POLR1A: variants seen among roughly 807,000 people sequenced by gnomAD.
POLR1A encodes the protein RNA polymerase I subunit A.
Under a neutral mutation model 205.3 loss-of-function variants are expected in POLR1A, and 84 were observed. That is an observed-to-expected ratio of 0.41 (90% CI 0.34 to 0.49). The LOEUF is 0.49. Among genes scored for constraint, POLR1A ranks in the 20% least tolerant of loss-of-function variants. The pLI, the probability that POLR1A is intolerant of heterozygous loss-of-function variation, is 0.22. For missense variants in POLR1A, 1,645 were observed against 2,204.5 expected, an observed-to-expected ratio of 0.75 and a Z score of 5.08; for synonymous variants, 799 against 863.7, an observed-to-expected ratio of 0.93 and a Z score of 1.31.
chr2:86,038,454 C>T lies in POLR1A; in HGVS notation c.4034+246G>A, dbSNP rs144833857. ...CCCCAGAAGACAACAATCCTGACGTCAACCCAAGAGAAGAAATGGGCTCAG... is the reference window on the plus strand; with the variant it reads ...CCCCAGAAGACAACAATCCTGACGTTAACCCAAGAGAAGAAATGGGCTCAG... On this transcript the variant is annotated intron_variant, in intron 27 of 33. Coordinates refer to ENST00000263857, the MANE Select transcript of POLR1A (RefSeq NM_015425.6). Among the ~76,000 whole-genome samples the T allele has an allele frequency of 5.9e-3, 899 of 152,324 alleles. 6 individuals carry two copies. Among genetic ancestry groups the T allele is most frequent in the Admixed American group, 0.013 (203 of 15,304 alleles).
chr2:86,061,404 A>G (rs1055401709), intron 14 of POLR1A, among the ~76,000 whole-genome samples: 2 of 152,232 alleles, frequency 1.3e-5, no homozygotes, highest in African/African-American at 2.4e-5. Context: ...CCAAGATGGC[A>G]CAACTGCACT....
intron 6 of POLR1A, 69 bp downstream of exon 6, chr2:86,088,497 G>A: frequency 2.1e-6 from 2 of 952,332 alleles, no homozygotes; most frequent in Non-Finnish European, 3.4e-6. Flanking sequence ...GGAGAACCAG[G>A]TATTCCCAGG....
chr2:86,044,662 C>A (rs1050755449), intron 21 of POLR1A, among the ~76,000 whole-genome samples: 1 of 152,196 alleles, frequency 6.6e-6, no homozygotes, highest in Non-Finnish European at 1.5e-5. Context: ...TCCTTAGAAC[C>A]AAAAGACGGG....
At chr2:86,100,928 G>T (rs1198834998) in intron 1 of POLR1A, among the ~76,000 whole-genome samples, 1 of 152,158 alleles carries the variant, frequency 6.6e-6, no homozygotes, top group Non-Finnish European at 1.5e-5. Flanking sequence ...AGGGAAGTTA[G>T]GTGATTGAAT....
chr2:86,044,005 CT>C, intron 22 of POLR1A, 133 bp downstream of exon 22: 1 of 764,410 alleles, frequency 1.3e-6, no homozygotes, highest in Non-Finnish European at 2.1e-6. Flanking sequence ...TGACCGGTGT[CT>C]TATAAACCCT....
intron 6 of POLR1A, among the ~76,000 whole-genome samples, chr2:86,087,379 G>C (rs1233617617): frequency 2.6e-5 from 4 of 152,188 alleles, no homozygotes; most frequent in Non-Finnish European, 1.5e-5. Context: ...GAAAGGTTTA[G>C]TAACAGTATC....
intron 7 of POLR1A, 69 bp from the exon 8 acceptor site, chr2:86,081,775 T>C (rs563386901): frequency 2.3e-6 from 2 of 861,452 alleles, no homozygotes; most frequent in African/African-American, 1.7e-5. Flanking sequence ...AGGACAACCA[T>C]AAAAATATTA....
At chr2:86,037,835 T>C (rs1479062461) in intron 27 of POLR1A, among the ~76,000 whole-genome samples, 1 of 152,260 alleles carries the variant, frequency 6.6e-6, no homozygotes, top group Non-Finnish European at 1.5e-5. Context: ...GCTTGTTTTC[T>C]TTCTTTTTAA....
chr2:86,083,288 G>A, intron 6 of POLR1A, 120 bp from the exon 7 acceptor site: 1 of 720,610 alleles, frequency 1.4e-6, no homozygotes, highest in Non-Finnish European at 2.5e-6. Context: ...CAATCTCAAG[G>A]GTAGCATATT....
At chr2:86,073,640 A>G (rs1673219985) in intron 12 of POLR1A, among the ~76,000 whole-genome samples, 1 of 152,080 alleles carries the variant, frequency 6.6e-6, no homozygotes, top group African/African-American at 2.4e-5. Flanking sequence ...GCTGTTCCCT[A>G]TGGTGTCTAC....
chr2:86,039,022 G>A (rs76964577), intron 26 of POLR1A, 165 bp from the exon 27 acceptor site: 2 of 686,642 alleles, frequency 2.9e-6, no homozygotes, highest in Non-Finnish European at 4.9e-6. Context: ...CTGCTGGGGG[G>A]CCCACAGCCT....
chr2:86,081,911 A>C (rs972249694), intron 7 of POLR1A, among the ~76,000 whole-genome samples: 7 of 152,134 alleles, frequency 4.6e-5, no homozygotes, highest in Middle Eastern at 3.2e-3. Flanking sequence ...GACTCACTGC[A>C]GCCTTGATCT....
chr2:86,049,240 CG>C lies in POLR1A; in HGVS notation c.2394del (p.Val799TrpfsTer6). 1 of 1,612,044 alleles carries C rather than the reference CG, an allele frequency of 6.2e-7. No homozygotes were observed. Among genetic ancestry groups the C allele is most frequent in the Non-Finnish European group, 8.5e-7 (1 of 1,178,190 alleles). On this transcript the variant is annotated frameshift_variant and splice_region_variant, in exon 17 of 34. Transcript: ENST00000263857. LOFTEE classifies it high-confidence loss of function. ...TTTGGCTTCACCAAAATGTCTTCCA[CG>C]CCTGTGAAGTGAAACAGACAAGCTT... ...YLQLYRGFTL[G>X]VEDILVKPKA...
At chr2:86,077,732 C>T in intron 11 of POLR1A, 127 bp downstream of exon 11, 2 of 1,134,834 alleles carry the variant, frequency 1.8e-6, no homozygotes, top group Non-Finnish European at 2.6e-6. Context: ...GAATAATCTG[C>T]TGCACATCCT....
At chr2:86,060,377 G>T (rs1033665337) in intron 14 of POLR1A, among the ~76,000 whole-genome samples, 1 of 151,838 alleles carries the variant, frequency 6.6e-6, no homozygotes, top group African/African-American at 2.4e-5. Context: ...TTTTTTAAAG[G>T]TATATTGAGA....
intron 3 of POLR1A, among the ~76,000 whole-genome samples, chr2:86,094,692 CTCTT>C (rs1000926224): frequency 6.6e-6 from 1 of 152,222 alleles, no homozygotes; most frequent in African/African-American, 2.4e-5. Flanking sequence ...TCTGTCTTCT[CTCTT>C]TCATATATTT....
chr2:86,027,906 G>A lies in POLR1A; in HGVS notation c.5041C>T (p.Leu1681=). 6.2e-7 allele frequency: 1 copy of A among 1,614,262 alleles called. No homozygotes were observed. Among genetic ancestry groups the A allele is most frequent in the Non-Finnish European group, 8.5e-7 (1 of 1,180,044 alleles). ...TAACCCAGCATGGTGGCTTGCTTCA[G>A]AAACTGGAAGCTGGTTTCAAATGTC... ...QMTFETSFQF[L]KQATMLGSHD... is the part of the protein sequence containing the mutation. The change falls in exon 33 of 34, where the codon CTG becomes TTG. Residue 1681 remains leucine (L), a synonymous_variant. Transcript: ENST00000263857.
rs61185790 is a variant in POLR1A, at chr2:86,045,227, C to G, written c.2969+51G>C. The G allele has an allele frequency of 0.016, 18,961 of 1,154,038 alleles. 493 individuals are homozygous for G. The highest frequency in any genetic ancestry group is 0.12 in the East Asian group (4,938 of 42,478). 71.5% of individuals were successfully genotyped at this position (1,154,038 alleles called of 1,614,324 possible). ...GCTGATATAATGTGAAAGATGATGGCAGGAAGGGCCCTGGCACTCTACCTC... is the reference window on the plus strand; with the variant it reads ...GCTGATATAATGTGAAAGATGATGGGAGGAAGGGCCCTGGCACTCTACCTC... On this transcript the variant is annotated intron_variant, in intron 21 of 33. Coordinates refer to ENST00000263857, the MANE Select transcript of POLR1A (RefSeq NM_015425.6).
At chr2:86,093,105 T>C (rs1049830837) in intron 3 of POLR1A, among the ~76,000 whole-genome samples, 18 of 152,322 alleles carry the variant, frequency 1.2e-4, no homozygotes, top group African/African-American at 3.6e-4. Flanking sequence ...AGGAGCCAAA[T>C]TATCTGAAAA....
Sources: gnomAD v4.1 joint callset for allele counts (sites outside exome capture counted in the v4.1 genomes callset) on GRCh38, gnomAD v4.1.1 for gene constraint, MANE v1.5 for transcripts, NCBI Gene and HGNC (gene_info 2026-07-23, HGNC 2026-07-21) for gene names.